Variants in FHIT observed in about 807,000 individuals in gnomAD.
FHIT encodes the protein fragile histidine triad diadenosine triphosphatase.
Under a neutral mutation model 17.9 loss-of-function variants are expected in FHIT, and 19 were observed. The ratio of observed to expected loss-of-function variants is 1.06; its 90% CI spans 0.74 to 1.56. The LOEUF is 1.56. FHIT is among the 40% of genes most tolerant of loss of function. The probability of loss-of-function intolerance (pLI) is 0.00; values close to 1 mark genes in which losing one functional copy is unlikely to be tolerated. For missense variants in FHIT, 248 were observed against 189.2 expected (o/e 1.31, Z -1.82); for synonymous variants, 81 against 69.7 (o/e 1.16, Z -0.81).
At chr3:60,729,058 C>A (rs1478253353) in intron 4 of FHIT, among the ~76,000 whole-genome samples, 1 of 152,124 alleles carries the variant, frequency 6.6e-6, no homozygotes, top group Admixed American at 6.6e-5. Flanking sequence ...AAAAGAAAGA[C>A]CCAAGAGAAA....
chr3:60,936,482 A>T (rs1708195092), intron 3 of FHIT, among the ~76,000 whole-genome samples: 1 of 152,226 alleles, frequency 6.6e-6, no homozygotes, highest in Admixed American at 6.5e-5. Context: ...ATCAATACAA[A>T]ACTGAAGCTC....
In FHIT at chr3:60,991,535, T is replaced by TA. The variant is rs2030215129; in HGVS notation, c.-111+50511dup. On this transcript the variant is annotated intron_variant, in intron 3 of 9. Coordinates refer to ENST00000492590, the MANE Select transcript of FHIT (RefSeq NM_002012.4). ...TTCCACTCAAAGATAGCATTTCCCT[T>TA]ACAGATCCCAAGGCCCTGTCTTTGT... Among the ~76,000 whole-genome samples the TA allele has an allele frequency of 2.0e-5, 3 of 152,194 alleles. No individual in the cohort carries two copies. The South Asian group carries it at 6.2e-4, about 31-fold the overall frequency.
At chr3:60,904,480 CAAA>C (rs36117889) in intron 3 of FHIT, among the ~76,000 whole-genome samples, 1 of 136,416 alleles carries the variant, frequency 7.3e-6, no homozygotes. Flanking sequence ...AATCCAAATG[CAAA>C]AAAAAAAAGA....
intron 2 of FHIT, among the ~76,000 whole-genome samples, chr3:61,197,462 T>A (rs879931674): frequency 6.6e-6 from 1 of 151,976 alleles, no homozygotes; most frequent in East Asian, 1.9e-4. Context: ...AAAATTGATA[T>A]ACCTGTTAAA....
In FHIT at chr3:60,206,269, T is replaced by C. The variant is rs528473384; in HGVS notation, c.104-192117A>G. ...TGCTATTAAAATCAAGAGGGCACCA[T>C]ATTTCTCCCTTTGCTCTTCTAAGAT... is the stretch of plus-strand genomic sequence containing the variant. On this transcript the variant is annotated intron_variant, in intron 5 of 9. Transcript: ENST00000492590. Among the ~76,000 whole-genome samples the C allele has an allele frequency of 2.0e-5, 3 of 152,150 alleles. No individual in the cohort carries two copies. In the East Asian group the frequency reaches 5.8e-4, roughly 29 times the overall value.
intron 5 of FHIT, among the ~76,000 whole-genome samples, chr3:60,323,748 A>G (rs1003601794): frequency 4.6e-5 from 7 of 152,240 alleles, no homozygotes; most frequent in Non-Finnish European, 1.0e-4. Flanking sequence ...ATGGAAAACC[A>G]GTATCACTTG....
rs534638097 is a variant in FHIT, at chr3:60,746,323, G to A, written c.-18+75596C>T. Reference sequence around the variant, plus strand: ...CCAGAAGTTTATGATTCAAGATTTGGGAGAGATAATTGAAGGAGGTGGGGT... The same window carrying A: ...CCAGAAGTTTATGATTCAAGATTTGAGAGAGATAATTGAAGGAGGTGGGGT... On this transcript the variant is annotated intron_variant, in intron 4 of 9. Transcript: ENST00000492590. Among the ~76,000 whole-genome samples, 95 of 152,274 alleles carry A rather than the reference G, an allele frequency of 6.2e-4. 1 individual carries two copies. The South Asian group carries it at 0.019, about 31-fold the overall frequency.
At chr3:60,044,780 C>G (rs1701582195) in intron 5 of FHIT, among the ~76,000 whole-genome samples, 4 of 152,088 alleles carry the variant, frequency 2.6e-5, no homozygotes, top group African/African-American at 9.7e-5. Flanking sequence ...AAGTGTCTAT[C>G]TTAGGTCACC....
intron 3 of FHIT, among the ~76,000 whole-genome samples, chr3:60,949,309 C>G (rs1464056450): frequency 2.0e-5 from 3 of 152,192 alleles, no homozygotes; most frequent in Non-Finnish European, 2.9e-5. Flanking sequence ...CTGCTTTTAG[C>G]TAGCGTGGAT....
intron 5 of FHIT, among the ~76,000 whole-genome samples, chr3:60,521,941 T>G (rs2035383910): frequency 6.6e-6 from 1 of 151,926 alleles, no homozygotes; most frequent in Non-Finnish European, 1.5e-5. Flanking sequence ...TGGTTTGAGT[T>G]TTGTGGTAGG....
At chr3:61,125,088 C>A (rs890838892) in intron 2 of FHIT, among the ~76,000 whole-genome samples, 6 of 151,924 alleles carry the variant, frequency 3.9e-5, no homozygotes, top group African/African-American at 1.2e-4. Flanking sequence ...TAATGTAGTA[C>A]AAAAGAAAGG....
intron 2 of FHIT, among the ~76,000 whole-genome samples, chr3:61,053,495 C>T (rs1208579364): frequency 6.6e-6 from 1 of 151,898 alleles, no homozygotes; most frequent in Non-Finnish European, 1.5e-5. Flanking sequence ...CCCATCTCTA[C>T]CAAAAATACA....
chr3:60,451,152 TTTTAC>T (rs1316345419), intron 5 of FHIT, among the ~76,000 whole-genome samples: 1 of 142,754 alleles, frequency 7.0e-6, no homozygotes, highest in African/African-American at 2.7e-5. Flanking sequence ...GAAAAAATAT[TTTTAC>T]TTTATTTTTT....
rs147210874 is a variant in FHIT, at chr3:59,969,645, G to C, written c.279+41726C>G. Among the ~76,000 whole-genome samples the C allele has an allele frequency of 5.9e-5, 9 of 152,148 alleles. No homozygotes were observed. The East Asian group carries it at 1.5e-3, about 26-fold the overall frequency. On this transcript the variant is annotated intron_variant, in intron 7 of 9. Transcript: ENST00000492590. ...TTACCAGCTACTTTATGCTTCATTTGCGTACTTGCGTGTATTAGATACATT... is the reference window on the plus strand; with the variant it reads ...TTACCAGCTACTTTATGCTTCATTTCCGTACTTGCGTGTATTAGATACATT...
intron 2 of FHIT, among the ~76,000 whole-genome samples, chr3:61,119,301 C>A (rs1307109669): frequency 6.6e-6 from 1 of 152,096 alleles, no homozygotes; most frequent in Non-Finnish European, 1.5e-5. Context: ...TCACTGCAAC[C>A]TCCACCTCCC....
In FHIT at chr3:60,798,752, C is replaced by CTTTTTT. The variant is rs35159710; in HGVS notation, c.-18+23161_-18+23166dup. 1.3e-3 allele frequency among the ~76,000 whole-genome samples: 133 copies of CTTTTTT among 105,458 alleles called. 1 individual carries two copies. Among genetic ancestry groups the CTTTTTT allele is most frequent in the Middle Eastern group, 6.0e-3 (1 of 166 alleles). 69.2% of individuals were successfully genotyped at this position (105,458 alleles called of 152,430 possible). A position where few individuals can be genotyped will look rare whatever the true frequency, so the allele number is the denominator to read the frequency against. ...ATTCTCACATGCACTACTGCAATAG[C>CTTTTTT]TTTTTTTTTTTTTTTTTTTTTTTGA... On this transcript the variant is annotated intron_variant, in intron 4 of 9. Transcript: ENST00000492590.
At chr3:60,192,296 A>T (rs920935700) in intron 5 of FHIT, among the ~76,000 whole-genome samples, 4 of 151,998 alleles carry the variant, frequency 2.6e-5, no homozygotes, top group African/African-American at 9.7e-5. Context: ...CAAAAGTTCA[A>T]TGGCCTTTGA....
At chr3:60,389,443 C>T (rs1701139861) in intron 5 of FHIT, among the ~76,000 whole-genome samples, 1 of 152,186 alleles carries the variant, frequency 6.6e-6, no homozygotes, top group African/African-American at 2.4e-5. Context: ...GTTCCTCACT[C>T]TGTCATCTGT....
chr3:60,319,081 G>C (rs1174696507), intron 5 of FHIT, among the ~76,000 whole-genome samples: 1 of 151,934 alleles, frequency 6.6e-6, no homozygotes, highest in African/African-American at 2.4e-5. Flanking sequence ...CTTTATCCAG[G>C]ATAACTTCCC....
Sources: gnomAD v4.1 joint callset for allele counts (sites outside exome capture counted in the v4.1 genomes callset) on GRCh38, gnomAD v4.1.1 for gene constraint, MANE v1.5 for transcripts, NCBI Gene and HGNC (gene_info 2026-07-23, HGNC 2026-07-21) for gene names.